The following CPQ variants were observed in gnomAD, a reference collection of about 807,000 sequenced individuals.
CPQ encodes carboxypeptidase Q.
Under a neutral mutation model 45.7 loss-of-function variants are expected in CPQ, and 37 were observed. That is an observed-to-expected ratio of 0.81 (90% CI 0.62 to 1.07). CPQ has a LOEUF of 1.07. Among genes scored for constraint, CPQ ranks in the 50% least tolerant of loss-of-function variants. The pLI is 0.00. For synonymous variants in CPQ, 186 were observed against 205.8 expected, an observed-to-expected ratio of 0.90 and a Z score of 0.82; for missense variants, 537 against 572.9, an observed-to-expected ratio of 0.94 and a Z score of 0.64.
At chr8:96,859,742 A>G (rs772495113) in intron 3 of CPQ, among the ~76,000 whole-genome samples, 1 of 151,960 alleles carries the variant, frequency 6.6e-6, no homozygotes, top group Non-Finnish European at 1.5e-5. Context: ...CTTCTCCCTC[A>G]TTGCTTTTAA....
chr8:97,005,841 C>A (rs958476607), intron 5 of CPQ, among the ~76,000 whole-genome samples: 2 of 152,106 alleles, frequency 1.3e-5, no homozygotes, highest in Non-Finnish European at 2.9e-5. Flanking sequence ...TGTAGTCGTT[C>A]AAGGCTAATC....
At position 97,044,701 on chromosome 8, in the gene CPQ, C is replaced by A. The variant is rs1261999276; in HGVS notation, c.1053+15207C>A. On this transcript the variant is annotated intron_variant, in intron 6 of 7. Coordinates refer to ENST00000220763, the MANE Select transcript of CPQ (RefSeq NM_016134.4). The stretch of plus-strand genomic sequence containing the variant: ...TTCTGTTTGTTAGTTTTCCTTCTAA[C>A]AGACAGGACCCTCAGCTGCAGGTCT... Among the ~76,000 whole-genome samples the A allele has an allele frequency of 5.9e-5, 9 of 152,176 alleles. 1 individual carries two copies. Among genetic ancestry groups the A allele is most frequent in the Middle Eastern group, 6.3e-3 (2 of 316 alleles).
chr8:96,704,661 G>A (rs761504094), intron 1 of CPQ, among the ~76,000 whole-genome samples: 16 of 152,104 alleles, frequency 1.1e-4, no homozygotes, highest in Non-Finnish European at 2.2e-4. Flanking sequence ...GAGAGGGCAG[G>A]ATAGTCAGGG....
rs557155312 is a variant in CPQ at position 96,814,232 on chromosome 8, G to C, written c.434-20741G>C. Among the ~76,000 whole-genome samples, 336 of 151,778 alleles carry C rather than the reference G, an allele frequency of 2.2e-3. 1 individual carries two copies. Among genetic ancestry groups the C allele is most frequent in the Middle Eastern group, 6.8e-3 (2 of 294 alleles). ...TTGATTGGTTTCCTGAAGCTCTATT[G>C]TTTCCTCCTGTCAATGGAATACAAA... is the stretch of plus-strand genomic sequence containing the variant. On this transcript the variant is annotated intron_variant, in intron 2 of 7. Coordinates refer to ENST00000220763, the MANE Select transcript of CPQ (RefSeq NM_016134.4).
chr8:96,795,529 T>C (rs1810916698), intron 2 of CPQ, among the ~76,000 whole-genome samples: 1 of 152,244 alleles, frequency 6.6e-6, no homozygotes, highest in Non-Finnish European at 1.5e-5. Context: ...TATTTCTATA[T>C]GCATATGTAT....
chr8:96,815,927 T>C (rs1339841557), intron 2 of CPQ, among the ~76,000 whole-genome samples: 1 of 152,206 alleles, frequency 6.6e-6, no homozygotes, highest in Non-Finnish European at 1.5e-5. Flanking sequence ...CTGTCATCTG[T>C]GCCTTCAGCA....
chr8:96,703,970 C>T (rs1483598718), intron 1 of CPQ, among the ~76,000 whole-genome samples: 2 of 152,102 alleles, frequency 1.3e-5, no homozygotes, highest in Admixed American at 6.6e-5. Context: ...AATATGATGT[C>T]CCTGAGATTG....
intron 1 of CPQ, among the ~76,000 whole-genome samples, chr8:96,681,181 T>G (rs1250334460): frequency 6.6e-6 from 1 of 152,222 alleles, no homozygotes; most frequent in Non-Finnish European, 1.5e-5. Flanking sequence ...ATCCTAATGT[T>G]AATCCCCAAA....
chr8:96,742,469 A>G (rs1224840403), intron 1 of CPQ, among the ~76,000 whole-genome samples: 10 of 151,992 alleles, frequency 6.6e-5, no homozygotes, highest in Admixed American at 2.6e-4. Context: ...CATTTAGTGC[A>G]TTTACATTTA....
chr8:96,680,076 A>G (rs1293023569), intron 1 of CPQ, among the ~76,000 whole-genome samples: 3 of 151,996 alleles, frequency 2.0e-5, no homozygotes, highest in Non-Finnish European at 4.4e-5. Context: ...CCCTCTTGGC[A>G]CTGCTTTTGC....
intron 5 of CPQ, among the ~76,000 whole-genome samples, chr8:97,004,426 T>A (rs1251686432): frequency 6.6e-6 from 1 of 152,012 alleles, no homozygotes; most frequent in Non-Finnish European, 1.5e-5. Flanking sequence ...AAGAGAGCAA[T>A]GAAAAATGAG....
At chr8:96,751,330 C>G (rs1054274676) in intron 1 of CPQ, among the ~76,000 whole-genome samples, 5 of 152,132 alleles carry the variant, frequency 3.3e-5, no homozygotes, top group Non-Finnish European at 7.4e-5. Context: ...AACCACCATT[C>G]TGATTGCATA....
intron 5 of CPQ, among the ~76,000 whole-genome samples, chr8:97,014,594 A>G (rs1809547768): frequency 6.7e-6 from 1 of 148,706 alleles, no homozygotes; most frequent in Non-Finnish European, 1.5e-5. Context: ...GTGAGCTGAG[A>G]TTGCGCCACT....
At chr8:96,654,638 G>A (rs1286528997) in intron 1 of CPQ, among the ~76,000 whole-genome samples, 1 of 152,114 alleles carries the variant, frequency 6.6e-6, no homozygotes, top group Non-Finnish European at 1.5e-5. Context: ...GTGGCCAGGG[G>A]CATTGTCTAA....
At chr8:96,889,404 A>T (rs1812345330) in intron 4 of CPQ, among the ~76,000 whole-genome samples, 1 of 152,216 alleles carries the variant, frequency 6.6e-6, no homozygotes, top group Non-Finnish European at 1.5e-5. Context: ...GTAGAAGTGC[A>T]GTTTGGGTGA....
intron 2 of CPQ, among the ~76,000 whole-genome samples, chr8:96,787,525 CT>C (rs71267281): frequency 4.4e-3 from 211 of 47,504 alleles, no homozygotes; most frequent in African/African-American, 0.015. Context: ...CTTATAATGT[CT>C]TTTTTTTTTT....
chr8:96,926,479 A>G (rs554438072), intron 4 of CPQ, among the ~76,000 whole-genome samples: 1 of 152,214 alleles, frequency 6.6e-6, no homozygotes, highest in East Asian at 1.9e-4. Flanking sequence ...ACCTCATTGA[A>G]AAGCGATGTA....
At chr8:96,827,238 T>C (rs953264130) in intron 2 of CPQ, among the ~76,000 whole-genome samples, 31 of 151,980 alleles carry the variant, frequency 2.0e-4, no homozygotes, top group African/African-American at 7.5e-4. Context: ...GGGCTACTGG[T>C]GTATTTTTCT....
intron 4 of CPQ, among the ~76,000 whole-genome samples, chr8:96,931,316 G>A (rs1662391036): frequency 6.6e-6 from 1 of 152,154 alleles, no homozygotes; most frequent in African/African-American, 2.4e-5. Flanking sequence ...ACAAGTATGT[G>A]TTTTCCTTAT....
Sources: gnomAD v4.1 joint callset for allele counts (sites outside exome capture counted in the v4.1 genomes callset) on GRCh38, gnomAD v4.1.1 for gene constraint, MANE v1.5 for transcripts, NCBI Gene and HGNC (gene_info 2026-07-23, HGNC 2026-07-21) for gene names.